C1orf21: variants seen among roughly 807,000 people sequenced by gnomAD.
C1orf21 encodes uncharacterized protein C1orf21.
C1orf21 carries 3 observed loss-of-function variants against 18.7 expected under a neutral mutation model. The ratio of observed to expected loss-of-function variants is 0.16; its 90% CI spans 0.07 to 0.42. The LOEUF (loss-of-function observed/expected upper bound fraction) is 0.42, where lower values mean the gene tolerates loss of function less well. C1orf21 is among the 10% of genes least tolerant of loss of function. The pLI is 0.99. For missense variants in C1orf21, 104 were observed against 143.6 expected, an observed-to-expected ratio of 0.72 and a Z score of 1.41; for synonymous variants, 41 against 46.4, an observed-to-expected ratio of 0.88 and a Z score of 0.47.
chr1:184,548,409 CTTTT>C (rs35619860), intron 3 of C1orf21, among the ~76,000 whole-genome samples: 3 of 117,830 alleles, frequency 2.5e-5, no homozygotes, highest in Non-Finnish European at 5.1e-5. Flanking sequence ...ATTGCAGACT[CTTTT>C]TTTTTTTTTT....
chr1:184,568,456 T>C, intron 3 of C1orf21: 1 of 470,780 alleles, frequency 2.1e-6, no homozygotes, highest in Non-Finnish European at 4.4e-6. Flanking sequence ...CAGGCTGCTG[T>C]GCATTTTAGA....
intron 3 of C1orf21, among the ~76,000 whole-genome samples, chr1:184,589,718 T>C (rs1659410859): frequency 6.6e-6 from 1 of 152,248 alleles, no homozygotes; most frequent in Non-Finnish European, 1.5e-5. Context: ...CATAAGCTCA[T>C]GTTTGATAGT....
chr1:184,511,049 G>A (rs1294153225), intron 3 of C1orf21, among the ~76,000 whole-genome samples: 2 of 152,162 alleles, frequency 1.3e-5, no homozygotes, highest in Admixed American at 6.5e-5. Context: ...ATTTAGACCC[G>A]CTGGAACGAT....
intron 1 of C1orf21, among the ~76,000 whole-genome samples, chr1:184,411,507 C>T (rs1005191342): frequency 3.3e-5 from 5 of 150,432 alleles, no homozygotes; most frequent in Middle Eastern, 3.5e-3. Flanking sequence ...CTGCAAGCTC[C>T]GCCTCCCGGG....
At chr1:184,515,637 A>G (rs1227767101) in intron 3 of C1orf21, among the ~76,000 whole-genome samples, 1 of 152,214 alleles carries the variant, frequency 6.6e-6, no homozygotes, top group Non-Finnish European at 1.5e-5. Context: ...CCTTCTTACT[A>G]TAAAACAAAA....
At chr1:184,394,002 G>GT (rs1170271640) in intron 1 of C1orf21, among the ~76,000 whole-genome samples, 1 of 152,116 alleles carries the variant, frequency 6.6e-6, no homozygotes, top group African/African-American at 2.4e-5. Context: ...AATGTTGTTG[G>GT]TTTCCTCTAT....
At chr1:184,524,895 G>T (rs2101970731) in intron 3 of C1orf21, among the ~76,000 whole-genome samples, 1 of 152,012 alleles carries the variant, frequency 6.6e-6, no homozygotes, top group East Asian at 1.9e-4. Flanking sequence ...TCTTTAAGTG[G>T]GCATTATTGG....
chr1:184,499,328 A>T (rs71634111), intron 2 of C1orf21, among the ~76,000 whole-genome samples: 4,300 of 152,282 alleles, frequency 0.028, 100 homozygotes, highest in Non-Finnish European at 0.045. Context: ...TAATTACCAT[A>T]TATTGGAGAA....
rs569316650 is a variant in C1orf21 at position 184,604,558 on chromosome 1, C to CCA, written c.327+6098_327+6099dup. On this transcript the variant is annotated intron_variant, in intron 5 of 5. Transcript: ENST00000235307. ...CCTCTCCCTTCATCACCTTGCCTTG[C>CCA]CATCTCTCTCCTCTGAGTGTACCTT... Among the ~76,000 whole-genome samples the CCA allele has an allele frequency of 5.9e-5, 9 of 152,330 alleles. No homozygotes were observed. The East Asian group carries it at 1.3e-3, about 23-fold the overall frequency.
At chr1:184,476,376 T>G (rs1350912546) in intron 1 of C1orf21, among the ~76,000 whole-genome samples, 1 of 151,968 alleles carries the variant, frequency 6.6e-6, no homozygotes, top group Non-Finnish European at 1.5e-5. Context: ...TGTATTACAG[T>G]GGGAGGGATG....
At chr1:184,530,578 A>G (rs932929067) in intron 3 of C1orf21, among the ~76,000 whole-genome samples, 2 of 149,900 alleles carry the variant, frequency 1.3e-5, no homozygotes, top group Admixed American at 6.7e-5. Flanking sequence ...CGAGAGTCTT[A>G]AAAGTCTCTT....
intron 3 of C1orf21, among the ~76,000 whole-genome samples, chr1:184,584,137 T>C (rs1242808248): frequency 4.5e-4 from 65 of 144,008 alleles, no homozygotes; most frequent in African/African-American, 1.7e-3. Flanking sequence ...CTTCTTCTTT[T>C]TTTTTTTTTT....
At chr1:184,467,930 A>G (rs1477198087) in intron 1 of C1orf21, among the ~76,000 whole-genome samples, 1 of 152,094 alleles carries the variant, frequency 6.6e-6, no homozygotes, top group Non-Finnish European at 1.5e-5. Flanking sequence ...CATCAGTCAC[A>G]AAAATCACAA....
Position 184,447,454 on chromosome 1 carries a change from C to T in C1orf21, c.-124-29932C>T, listed in dbSNP as rs1657051919. 2.6e-5 allele frequency among the ~76,000 whole-genome samples: 4 copies of T among 152,154 alleles called. No individual in the cohort carries two copies. The South Asian group carries it at 8.3e-4, about 32-fold the overall frequency. On this transcript the variant is annotated intron_variant, in intron 1 of 5. Transcript: ENST00000235307. ...GCATGCGTGATATCACATGTCTGGTCCACAACTCTGTCCTGTGCTTCAGCC... is the reference window on the plus strand; with the variant it reads ...GCATGCGTGATATCACATGTCTGGTTCACAACTCTGTCCTGTGCTTCAGCC...
chr1:184,592,586 C>CAA (rs1464780194), intron 4 of C1orf21, among the ~76,000 whole-genome samples: 1 of 152,198 alleles, frequency 6.6e-6, no homozygotes, highest in East Asian at 1.9e-4. Context: ...AGACAAATTT[C>CAA]CTGAGAGTAC....
At chr1:184,537,215 T>G (rs1448620096) in intron 3 of C1orf21, among the ~76,000 whole-genome samples, 1 of 152,200 alleles carries the variant, frequency 6.6e-6, no homozygotes, top group Non-Finnish European at 1.5e-5. Context: ...TCTGTGTATC[T>G]ATCACCATCA....
rs553654772 is a variant in C1orf21 at position 184,627,988 on chromosome 1, G to A, written c.*8432G>A. Reference sequence around the variant, plus strand: ...TGGCTACATATTTGCCCTTCCCAAGGGTATTTGCATTTTATTTAGGAACAT... The same window carrying A: ...TGGCTACATATTTGCCCTTCCCAAGAGTATTTGCATTTTATTTAGGAACAT... On this transcript the variant is annotated 3_prime_UTR_variant, in exon 6 of 6. Transcript: ENST00000235307. 6.6e-6 allele frequency: 1 copy of A among 152,264 alleles called. No individual in the cohort carries two copies. Among genetic ancestry groups the A allele is most frequent in the African/African-American group, 2.4e-5 (1 of 41,526 alleles). The allele number at this position is 152,264 out of a possible 1,614,324, so 9.4% of individuals were successfully genotyped here.
intron 3 of C1orf21, among the ~76,000 whole-genome samples, chr1:184,573,721 T>C (rs1457119835): frequency 6.6e-6 from 1 of 152,176 alleles, no homozygotes; most frequent in East Asian, 1.9e-4. Flanking sequence ...ATTGGTGGCC[T>C]GGAATTAAAA....
In C1orf21 at chr1:184,590,641, C is replaced by T. The variant is rs755024048; in HGVS notation, c.190-98C>T. On this transcript the variant is annotated intron_variant, in intron 3 of 5. Coordinates refer to ENST00000235307, the MANE Select transcript of C1orf21 (RefSeq NM_030806.4). ...GAGGTAACCAGCCGTAGTATAGGGC[C>T]CCAAACAGATTGAACGTTTGTGTGA... is the stretch of plus-strand genomic sequence containing the variant. 60 of 1,223,414 alleles carry T rather than the reference C, an allele frequency of 4.9e-5. 1 individual carries two copies. The highest frequency in any genetic ancestry group is 7.2e-5 in the Non-Finnish European group (60 of 834,226). The allele number at this position is 1,223,414 out of a possible 1,614,324, so 75.8% of individuals were successfully genotyped here.
Sources: gnomAD v4.1 joint callset for allele counts (sites outside exome capture counted in the v4.1 genomes callset) on GRCh38, gnomAD v4.1.1 for gene constraint, MANE v1.5 for transcripts, NCBI Gene and HGNC (gene_info 2026-07-23, HGNC 2026-07-21) for gene names.